LPAR3: variants seen among roughly 807,000 people sequenced by gnomAD.
LPAR3 encodes the protein lysophosphatidic acid receptor 3, also known as LPA receptor 3.
In LPAR3, 7 loss-of-function variants were observed where a neutral mutation model predicts 17.8. The observed-to-expected ratio is 0.39, with a 90% CI of 0.22 to 0.74. The LOEUF is 0.74. Among genes scored for constraint, LPAR3 ranks in the 30% least tolerant of loss-of-function variants. The pLI is 0.40. For missense variants in LPAR3, 391 were observed against 453.4 expected, an observed-to-expected ratio of 0.86 and a Z score of 1.25; for synonymous variants, 179 against 179.9, an observed-to-expected ratio of 0.99 and a Z score of 0.04.
intron 2 of LPAR3, among the ~76,000 whole-genome samples, chr1:84,843,341 G>A (rs541040468): frequency 6.6e-6 from 1 of 152,350 alleles, no homozygotes; most frequent in South Asian, 2.1e-4. Context: ...GGCTTGGTAA[G>A]TGAAAGTTTC....
Position 84,865,592 on chromosome 1 carries a change from A to G in LPAR3, c.529T>C (p.Ser177Pro). Residue 177 changes from serine (S) to proline (P), a missense_variant, in exon 2 of 3, where the codon TCT (serine) becomes CCT (proline). Coordinates refer to ENST00000370611, the MANE Select transcript of LPAR3 (RefSeq NM_012152.3). ...WNCLCNISACSSLAPIYSRSY... is the reference protein window; with the variant it reads ...WNCLCNISACPSLAPIYSRSY... ...CTGCTGTAAATGGGGGCCAGGGAAGAGCAGGCAGAGATGTTGCAGAGGCAA... is the reference window on the plus strand; with the variant it reads ...CTGCTGTAAATGGGGGCCAGGGAAGGGCAGGCAGAGATGTTGCAGAGGCAA... 6.2e-7 allele frequency: 1 copy of G among 1,614,236 alleles called. No homozygotes were observed. The highest frequency in any genetic ancestry group is 1.6e-4 in the Middle Eastern group (1 of 6,062).
intron 2 of LPAR3, among the ~76,000 whole-genome samples, chr1:84,855,621 A>G (rs55800555): frequency 0.08 from 12,122 of 152,286 alleles, 545 homozygotes; most frequent in African/African-American, 0.11. Context: ...AGAAGGGGGC[A>G]TGAGAGGGGA....
chr1:84,888,143 TAC>T (rs1462207571), intron 1 of LPAR3, among the ~76,000 whole-genome samples: 59 of 85,648 alleles, frequency 6.9e-4, no homozygotes, highest in Admixed American at 1.6e-3. Context: ...TATATATATA[TAC>T]ATACATACAC....
intron 2 of LPAR3, among the ~76,000 whole-genome samples, chr1:84,848,338 C>T (rs1370697357): frequency 6.6e-6 from 1 of 152,204 alleles, no homozygotes. Flanking sequence ...TGGCCACTTT[C>T]CCTCCCAAAT....
chr1:84,858,432 G>A lies in LPAR3; in HGVS notation c.736+6953C>T, dbSNP rs190154759. On this transcript the variant is annotated intron_variant, in intron 2 of 2. Coordinates refer to ENST00000370611, the MANE Select transcript of LPAR3 (RefSeq NM_012152.3). The stretch of plus-strand genomic sequence containing the variant: ...CCAGGAGGCGGAGGTTGCAGTGAGC[G>A]GAGATCACACCACTGAAACTCCAGC... Among the ~76,000 whole-genome samples, 133 of 150,750 alleles carry A rather than the reference G, an allele frequency of 8.8e-4. 3 individuals carry two copies. The highest frequency in any genetic ancestry group is 8.7e-3 in the Admixed American group (132 of 15,134).
At chr1:84,841,897 C>T (rs566370907) in intron 2 of LPAR3, among the ~76,000 whole-genome samples, 122 of 152,182 alleles carry the variant, frequency 8.0e-4, no homozygotes, top group African/African-American at 2.7e-3. Context: ...AGAGTCCATT[C>T]CCAGAAAATT....
At chr1:84,835,562 T>G (rs892262381) in intron 2 of LPAR3, among the ~76,000 whole-genome samples, 6 of 152,198 alleles carry the variant, frequency 3.9e-5, no homozygotes, top group African/African-American at 1.4e-4. Flanking sequence ...TTGACTCTGT[T>G]GATGGCTATT....
Position 84,866,027 on chromosome 1 carries a change from T to A in LPAR3, c.94A>T (p.Ile32Phe), listed in dbSNP as rs756173827. 1 of 1,614,068 alleles carries A rather than the reference T, an allele frequency of 6.2e-7. No homozygotes were observed. Among genetic ancestry groups the A allele is most frequent in the Non-Finnish European group, 8.5e-7 (1 of 1,179,972 alleles). Residue 32 changes from isoleucine (I) to phenylalanine (F), a missense_variant, in exon 2 of 3, where the codon ATT becomes TTT. Transcript: ENST00000370611. ...VDDWTGTKLV[I>F]VLCVGTFFCL... ...AAAAACGTCCCAACACACAAAACAA[T>A]CACAAGCTTTGTTCCTGTCCAGTCA... is the stretch of plus-strand genomic sequence containing the variant.
chr1:84,815,843 CA>C (rs1279846378), intron 2 of LPAR3, among the ~76,000 whole-genome samples: 3 of 152,140 alleles, frequency 2.0e-5, no homozygotes, highest in African/African-American at 7.2e-5. Flanking sequence ...TAGTAGCTAG[CA>C]GGGGGGTTGA....
chr1:84,828,990 C>A (rs964114068), intron 2 of LPAR3, among the ~76,000 whole-genome samples: 1 of 152,062 alleles, frequency 6.6e-6, no homozygotes, highest in African/African-American at 2.4e-5. Context: ...ATGAGCTCTT[C>A]CCTAGCACCT....
chr1:84,831,726 G>C (rs2102749971), intron 2 of LPAR3, among the ~76,000 whole-genome samples: 1 of 151,458 alleles, frequency 6.6e-6, no homozygotes, highest in East Asian at 1.9e-4. Flanking sequence ...TGTAAGAAGA[G>C]CCTCACACTC....
chr1:84,864,233 A>G (rs1373289169), intron 2 of LPAR3, among the ~76,000 whole-genome samples: 1 of 150,712 alleles, frequency 6.6e-6, no homozygotes, highest in Non-Finnish European at 1.5e-5. Context: ...AACAAAAAAC[A>G]AAAAAACAGA....
At chr1:84,835,182 G>A (rs1659370061) in intron 2 of LPAR3, among the ~76,000 whole-genome samples, 1 of 152,186 alleles carries the variant, frequency 6.6e-6, no homozygotes, top group Non-Finnish European at 1.5e-5. Context: ...CTCTTAAAAT[G>A]TGATGGCCAG....
rs1200418107 is a variant in LPAR3, at chr1:84,893,142, G to A, written c.-145C>T. 1.3e-5 allele frequency: 2 copies of A among 152,118 alleles called. No homozygotes were observed. The highest frequency in any genetic ancestry group is 2.9e-5 in the Non-Finnish European group (2 of 68,036). 9.4% of individuals were successfully genotyped at this position (152,118 alleles called of 1,614,324 possible). The stretch of plus-strand genomic sequence containing the variant: ...CAGCCGGGCGCGGAGAAGCAGCGGA[G>A]GACGCGGCGGGCGGGCGGAGCGCCT... On this transcript the variant is annotated 5_prime_UTR_variant, in exon 1 of 3. Coordinates refer to ENST00000370611, the MANE Select transcript of LPAR3 (RefSeq NM_012152.3).
chr1:84,823,136 T>C (rs1659088401), intron 2 of LPAR3, among the ~76,000 whole-genome samples: 1 of 152,304 alleles, frequency 6.6e-6, no homozygotes, highest in African/African-American at 2.4e-5. Context: ...TTCTTCTTAT[T>C]TGAAAAGGAA....
intron 2 of LPAR3, among the ~76,000 whole-genome samples, chr1:84,828,110 C>T (rs573769830): frequency 2.0e-5 from 3 of 151,890 alleles, no homozygotes; most frequent in African/African-American, 7.2e-5. Flanking sequence ...ACACATTCAT[C>T]TCTCTCTCTC....
At chr1:84,874,048 C>CT (rs1660208337) in intron 1 of LPAR3, among the ~76,000 whole-genome samples, 1 of 152,144 alleles carries the variant, frequency 6.6e-6, no homozygotes, top group South Asian at 2.1e-4. Flanking sequence ...CCATGGTGCC[C>CT]AGCCTCTTTA....
chr1:84,857,122 A>G (rs1187837945), intron 2 of LPAR3, among the ~76,000 whole-genome samples: 1 of 152,084 alleles, frequency 6.6e-6, no homozygotes, highest in African/African-American at 2.4e-5. Flanking sequence ...CATTTTATAA[A>G]ATCTGCCATC....
chr1:84,865,711 T>C lies in LPAR3; in HGVS notation c.410A>G (p.His137Arg), dbSNP rs181538328. ...RHMSIMRMRV[H>R]SNLTKKRVTL... Reference sequence around the variant, plus strand: ...CACCCTCTTTTTGGTCAGGTTGCTATGGACCCGCATCCTCATGATTGACAT... The same window carrying C: ...CACCCTCTTTTTGGTCAGGTTGCTACGGACCCGCATCCTCATGATTGACAT... The change falls in exon 2 of 3, where the codon CAT (histidine) becomes CGT (arginine). Residue 137 changes from histidine (H) to arginine (R), a missense_variant. His to Arg is a conservative substitution (Grantham distance 29, BLOSUM62 0). Transcript: ENST00000370611. The C allele has an allele frequency of 6.2e-6, 10 of 1,614,220 alleles. No individual in the cohort carries two copies. In the East Asian group the frequency reaches 1.3e-4, roughly 22 times the overall value.
Sources: allele counts gnomAD v4.1 joint callset (sites outside exome capture counted in the v4.1 genomes callset), GRCh38; gene constraint gnomAD v4.1.1; transcripts MANE v1.5; gene names NCBI Gene and HGNC (gene_info 2026-07-23, HGNC 2026-07-21).